THAP4: variants seen among roughly 807,000 people sequenced by gnomAD.
THAP4 encodes the protein THAP domain containing 4, also known as peroxynitrite isomerase THAP4.
Under a neutral mutation model 48.1 loss-of-function variants are expected in THAP4, and 18 were observed. The ratio of observed to expected loss-of-function variants is 0.37; its 90% confidence interval spans 0.26 to 0.56. The LOEUF is 0.56. Ranked by LOEUF, THAP4 falls within the 20% of genes least tolerant of loss-of-function variation. The probability of loss-of-function intolerance (pLI) is 0.78; values close to 1 mark genes in which losing one functional copy is unlikely to be tolerated. For missense variants in THAP4, 656 were observed against 774.9 expected (o/e 0.85, Z 1.82); for synonymous variants, 345 against 324.9 (o/e 1.06, Z -0.66).
At chr2:241,624,479 CTT>C (rs2067472200) in intron 2 of THAP4, among the ~76,000 whole-genome samples, 2 of 149,142 alleles carry the variant, frequency 1.3e-5, no homozygotes, top group African/African-American at 5.0e-5. Flanking sequence ...CAGTGAGACT[CTT>C]TCTCAAAAAA....
chr2:241,591,028 T>C (rs2125068035), intron 5 of THAP4, among the ~76,000 whole-genome samples: 1 of 151,062 alleles, frequency 6.6e-6, no homozygotes, highest in African/African-American at 2.4e-5. Flanking sequence ...CACACAGAAC[T>C]GCCCGGCTGA....
intron 5 of THAP4, among the ~76,000 whole-genome samples, chr2:241,587,933 T>A: frequency 1.4e-5 from 2 of 140,358 alleles, no homozygotes; most frequent in African/African-American, 2.7e-5. Flanking sequence ...AAGAAAAAAA[T>A]CACTAGAGAA....
rs144445748 is a variant in THAP4 at position 241,601,323 on chromosome 2, A to G, written c.1614+573T>C. The stretch of plus-strand genomic sequence containing the variant: ...AAAACAGGCAAAGACTTTAAATATC[A>G]AGTGCACAGAATAAGAAGCGTAAAC... On this transcript the variant is annotated intron_variant, in intron 5 of 5. Coordinates refer to ENST00000407315, the MANE Select transcript of THAP4 (RefSeq NM_015963.6). This position sits in a 1 kb window ranked among gnomAD's most constrained non-coding sequence, Gnocchi z 4.0. Among the ~76,000 whole-genome samples, 12 of 152,216 alleles carry G rather than the reference A, an allele frequency of 7.9e-5. No homozygotes were observed. The East Asian group carries it at 2.3e-3, about 29-fold the overall frequency.
At chr2:241,617,400 A>T (rs1384996042) in intron 2 of THAP4, 2 of 1,541,800 alleles carry the variant, frequency 1.3e-6, no homozygotes, top group Middle Eastern at 3.4e-4. Context: ...AAGACACTGA[A>T]AGCAGGCTTA....
chr2:241,605,324 T>C (rs2067167199), intron 3 of THAP4, among the ~76,000 whole-genome samples: 1 of 152,238 alleles, frequency 6.6e-6, no homozygotes, highest in African/African-American at 2.4e-5. Flanking sequence ...ATACAAATAG[T>C]ACCAAGTTGG....
rs181577363 is a variant in THAP4, at chr2:241,605,219, A to T, written c.1400+1095T>A. Among the ~76,000 whole-genome samples, 179 of 152,300 alleles carry T rather than the reference A, an allele frequency of 1.2e-3. 2 individuals carry two copies. Among genetic ancestry groups the T allele is most frequent in the African/African-American group, 4.1e-3 (171 of 41,550 alleles). ...ATATAAAAAGGTAGGAGATATTTTT[A>T]AAAACAATGAGATCTTCTAAAAGGG... On this transcript the variant is annotated intron_variant, in intron 3 of 5. Transcript: ENST00000407315.
intron 5 of THAP4, 132 bp from the exon 6 acceptor site, chr2:241,584,857 A>G (rs1049452222): frequency 3.4e-6 from 4 of 1,177,520 alleles, no homozygotes; most frequent in Non-Finnish European, 4.9e-6. Context: ...AGAGGAGGGT[A>G]GACACACAGC....
At chr2:241,619,858 GTGAGGAGTCGGT>G (rs2067397163) in intron 2 of THAP4, among the ~76,000 whole-genome samples, 1 of 116,670 alleles carries the variant, frequency 8.6e-6, no homozygotes. Context: ...TGAGGGGTGA[GTGAGGAGTCGGT>G]GAGTGAGGGG....
In THAP4 at chr2:241,636,932, C is replaced by T; in HGVS notation, c.77+9G>A. ...GGGGCGGGGGCGTGGCGGCCCGGGG[C>T]CCGCGTACCTGTGGAAGGAGACGGC... On this transcript the variant is annotated intron_variant, in intron 1 of 5. Transcript: ENST00000407315. 8.0e-7 allele frequency: 1 copy of T among 1,251,158 alleles called. No homozygotes were observed. 77.5% of individuals were successfully genotyped at this position (1,251,158 alleles called of 1,614,324 possible). A position where few individuals can be genotyped will look rare whatever the true frequency, so the allele number is the denominator to read the frequency against.
chr2:241,591,748 G>C (rs1360155544), intron 5 of THAP4, among the ~76,000 whole-genome samples: 1 of 152,170 alleles, frequency 6.6e-6, no homozygotes, highest in African/African-American at 2.4e-5. Flanking sequence ...CTAAAGGAAA[G>C]ATTTTAGGTT....
intron 5 of THAP4, among the ~76,000 whole-genome samples, chr2:241,589,864 T>C (rs1055049867): frequency 2.0e-5 from 3 of 152,156 alleles, no homozygotes; most frequent in African/African-American, 7.2e-5. Flanking sequence ...ACGTGGCACA[T>C]GCAGCAGAAC....
chr2:241,611,262 GC>G (rs1226773296), intron 2 of THAP4, among the ~76,000 whole-genome samples: 2 of 152,090 alleles, frequency 1.3e-5, no homozygotes, highest in Non-Finnish European at 2.9e-5. Flanking sequence ...GGCTCTTCTG[GC>G]CCCCGCTCTG....
intron 2 of THAP4, among the ~76,000 whole-genome samples, chr2:241,614,277 CAATAAGCA>C (rs2067312264): frequency 6.6e-6 from 1 of 151,984 alleles, no homozygotes. Context: ...GAAAGCTGGG[CAATAAGCA>C]ATAAGGAAGC....
In THAP4 at chr2:241,633,914, C is replaced by T. The variant is rs777651440; in HGVS notation, c.243G>A (p.Val81=). 97 of 1,613,986 alleles carry T rather than the reference C, an allele frequency of 6.0e-5. No individual in the cohort carries two copies. The highest frequency in any genetic ancestry group is 8.0e-5 in the Non-Finnish European group (94 of 1,180,022). ...DQHRLLKPTA[V]PSIFHLTEKK... ...TCTCGGTCAGGTGGAAGATGGATGG[C>T]ACGGCCGTGGGCTTCAGCAGGCGAT... The change falls in exon 2 of 6, where the codon GTG becomes GTA. Residue 81 remains valine, a synonymous_variant. Coordinates refer to ENST00000407315, the MANE Select transcript of THAP4 (RefSeq NM_015963.6). The surrounding 1 kb of genome is among the most constrained non-coding windows in gnomAD (Gnocchi z 7.5).
chr2:241,614,311 A>T (rs1441941065), intron 2 of THAP4, among the ~76,000 whole-genome samples: 1 of 152,206 alleles, frequency 6.6e-6, no homozygotes, highest in Non-Finnish European at 1.5e-5. Context: ...TCCCAATCTT[A>T]GCATCACGTA....
intron 5 of THAP4, among the ~76,000 whole-genome samples, chr2:241,595,239 T>C (rs2067033181): frequency 6.6e-6 from 1 of 152,136 alleles, no homozygotes; most frequent in South Asian, 2.1e-4. Flanking sequence ...GGTCTCGAAT[T>C]CCTGACCTCA....
In THAP4 at chr2:241,584,660, C is replaced by T. The variant is rs146802008; in HGVS notation, c.1680G>A (p.Thr560=). The change falls in exon 6 of 6, where the codon ACG becomes ACA. Residue 560 remains threonine, a synonymous_variant. Coordinates refer to ENST00000407315, the MANE Select transcript of THAP4 (RefSeq NM_015963.6). The part of the protein sequence containing the change: ...KLEQTVSMAT[T]TQPMTQHLHV... The stretch of plus-strand genomic sequence containing the variant: ...GAAGATGCTGAGTCATTGGCTGTGT[C>T]GTGGTTGCCATGGAGACCGTCTGCT... 175 of 1,614,156 alleles carry T rather than the reference C, an allele frequency of 1.1e-4. No individual in the cohort carries two copies. Among genetic ancestry groups the T allele is most frequent in the African/African-American group, 2.7e-4 (20 of 75,036 alleles).
intron 2 of THAP4, among the ~76,000 whole-genome samples, chr2:241,624,465 A>G (rs1200841716): frequency 6.6e-6 from 1 of 151,814 alleles, no homozygotes; most frequent in Non-Finnish European, 1.5e-5. Flanking sequence ...CCAGCCTGGC[A>G]ACACAGTGAG....
rs886893166 is a variant in THAP4, at chr2:241,616,214, C to T, written c.1241-9741G>A. ...GGGACGTGGCCCGGGCTTTCTGCCT[C>T]GACGACTAGCCCAAGGGAGATGGAA... On this transcript the variant is annotated intron_variant, in intron 2 of 5. Coordinates refer to ENST00000407315, the MANE Select transcript of THAP4 (RefSeq NM_015963.6). The surrounding 1 kb of genome is among the most constrained non-coding windows in gnomAD (Gnocchi z 4.6). Among the ~76,000 whole-genome samples the T allele has an allele frequency of 1.3e-5, 2 of 152,276 alleles. No individual in the cohort carries two copies. The highest frequency in any genetic ancestry group is 4.1e-4 in the South Asian group (2 of 4,826).
Sources: allele counts gnomAD v4.1 joint callset (sites outside exome capture counted in the v4.1 genomes callset), GRCh38; gene constraint gnomAD v4.1.1; non-coding constraint Gnocchi (gnomAD v3.1); transcripts MANE v1.5; gene names NCBI Gene and HGNC (gene_info 2026-07-23, HGNC 2026-07-21).